Variants in CLIP4 observed in about 807,000 individuals in gnomAD.
CLIP4 encodes CAP-Gly domain containing linker protein family member 4, also known as CAP-Gly domain-containing linker protein 4.
Under a neutral mutation model 73.1 loss-of-function variants are expected in CLIP4, and 47 were observed. That is an observed-to-expected ratio of 0.64 (90% confidence interval 0.51 to 0.82). The LOEUF (loss-of-function observed/expected upper bound fraction) is 0.82. Among genes scored for constraint, CLIP4 ranks in the 40% least tolerant of loss-of-function variants. The pLI, the probability that CLIP4 is intolerant of heterozygous loss-of-function variation, is 0.00. For missense variants in CLIP4, 874 were observed against 852.9 expected (o/e 1.02, Z -0.31); for synonymous variants, 306 against 295.4 (o/e 1.04, Z -0.37).
chr2:29,149,019 G>C (rs1262707900), intron 8 of CLIP4, among the ~76,000 whole-genome samples: 2 of 152,176 alleles, frequency 1.3e-5, no homozygotes, highest in Non-Finnish European at 2.9e-5. Context: ...TATTGTCTCA[G>C]GTAGAGTTTG....
intron 8 of CLIP4, among the ~76,000 whole-genome samples, chr2:29,148,735 A>G (rs1334410917): frequency 2.0e-5 from 3 of 152,200 alleles, no homozygotes; most frequent in Admixed American, 2.0e-4. Context: ...TACTATGAAG[A>G]GAGAGATTTA....
In CLIP4 at chr2:29,115,902, T is replaced by G. The variant is rs1273593380; in HGVS notation, c.-16+237T>G. Among the ~76,000 whole-genome samples, 5 of 151,886 alleles carry G rather than the reference T, an allele frequency of 3.3e-5. No individual in the cohort carries two copies. In the East Asian group the frequency reaches 9.8e-4, roughly 30 times the overall value. Reference sequence around the variant, plus strand: ...ACCCGGCGGGGATGGGGACTCCTCGTGGCGGCCGCTGACGGACGGCCCAAC... The same window carrying G: ...ACCCGGCGGGGATGGGGACTCCTCGGGGCGGCCGCTGACGGACGGCCCAAC... On this transcript the variant is annotated intron_variant, in intron 1 of 15. Coordinates refer to ENST00000320081, the MANE Select transcript of CLIP4 (RefSeq NM_024692.6). This position sits in a 1 kb window ranked among gnomAD's most constrained non-coding sequence, Gnocchi z 5.1.
intron 15 of CLIP4, 143 bp from the exon 16 acceptor site, chr2:29,181,428 TA>T (rs1275871983): frequency 9.8e-6 from 7 of 711,184 alleles, no homozygotes; most frequent in Non-Finnish European, 1.6e-5. Flanking sequence ...ATTTAAAATT[TA>T]AAAATCAAGT....
chr2:29,106,041 G>C (rs1668195285), intron 1 of CLIP4, among the ~76,000 whole-genome samples: 1 of 151,214 alleles, frequency 6.6e-6, no homozygotes, highest in African/African-American at 2.4e-5. Context: ...AAGGTATCAT[G>C]GTTTAGCATT....
intron 1 of CLIP4, among the ~76,000 whole-genome samples, chr2:29,098,652 GA>G (rs1667947838): frequency 1.3e-5 from 2 of 152,114 alleles, no homozygotes; most frequent in Admixed American, 1.3e-4. Context: ...TGTCAATTAT[GA>G]AAAAAGCTCC....
Position 29,152,832 on chromosome 2 carries a change from G to A in CLIP4, c.1165+4G>A. 1 of 1,610,764 alleles carries A rather than the reference G, an allele frequency of 6.2e-7. No homozygotes were observed. Among genetic ancestry groups the A allele is most frequent in the Non-Finnish European group, 8.5e-7 (1 of 1,178,976 alleles). ...GTGACGTCAAAAGTAAATACTGGTAGGTCAAACCAGAAAGTTAACCATCTG... is the reference window on the plus strand; with the variant it reads ...GTGACGTCAAAAGTAAATACTGGTAAGTCAAACCAGAAAGTTAACCATCTG... On this transcript the variant is annotated splice_donor_region_variant and intron_variant, in intron 9 of 15. Transcript: ENST00000320081.
chr2:29,143,824 T>C lies in CLIP4; in HGVS notation c.764T>C (p.Val255Ala). 6.2e-7 allele frequency: 1 copy of C among 1,614,130 alleles called. No homozygotes were observed. The highest frequency in any genetic ancestry group is 1.3e-5 in the African/African-American group (1 of 75,056). ...KEIKQMLLDA[V>A]PLSCNISKAM... Reference sequence around the variant, plus strand: ...ATCAAGCAGATGCTTCTAGATGCGGTGCCTCTGTCATGTAACATCTCAAAG... The same window carrying C: ...ATCAAGCAGATGCTTCTAGATGCGGCGCCTCTGTCATGTAACATCTCAAAG... Residue 255 changes from valine (V) to alanine (A), a missense_variant, in exon 7 of 16, where the codon GTG becomes GCG. Physicochemically the swap from Val to Ala is moderately conservative, Grantham distance 64. Coordinates refer to ENST00000320081, the MANE Select transcript of CLIP4 (RefSeq NM_024692.6).
In CLIP4 at chr2:29,163,946, G is replaced by A; in HGVS notation, c.1650G>A (p.Arg550=). 1 of 1,612,432 alleles carries A rather than the reference G, an allele frequency of 6.2e-7. No homozygotes were observed. The highest frequency in any genetic ancestry group is 8.5e-7 in the Non-Finnish European group (1 of 1,179,236). ...ATGGAATATTTGCTCCCCCATCCAGGGTGCAAAGGTGAGAGAATGAAATTT... is the reference window on the plus strand; with the variant it reads ...ATGGAATATTTGCTCCCCCATCCAGAGTGCAAAGGTGAGAGAATGAAATTT... The part of the protein sequence containing the change: ...PRYGIFAPPS[R]VQRVTDSLDT... Residue 550 remains arginine, a synonymous_variant, in exon 13 of 16, where the codon AGG becomes AGA. Coordinates refer to ENST00000320081, the MANE Select transcript of CLIP4 (RefSeq NM_024692.6).
intron 2 of CLIP4, among the ~76,000 whole-genome samples, chr2:29,126,657 G>A (rs927469722): frequency 3.3e-5 from 5 of 152,202 alleles, no homozygotes; most frequent in Non-Finnish European, 7.3e-5. Context: ...GAGGATGGCA[G>A]TTTCTACCGA....
At chr2:29,144,007 G>A in intron 7 of CLIP4, 62 bp downstream of exon 7, 1 of 1,318,130 alleles carries the variant, frequency 7.6e-7, no homozygotes, top group Non-Finnish European at 1.1e-6. Context: ...TATGTTCAAG[G>A]ACACAGTATG....
intron 7 of CLIP4, 57 bp from the exon 8 acceptor site, chr2:29,145,174 AG>A: frequency 6.8e-7 from 1 of 1,479,222 alleles, no homozygotes; most frequent in Non-Finnish European, 9.3e-7. Context: ...TTGCAAGAGT[AG>A]GACCCTTGGA....
chr2:29,134,379 A>T (rs1030427051), intron 5 of CLIP4, among the ~76,000 whole-genome samples: 2 of 152,042 alleles, frequency 1.3e-5, no homozygotes, highest in Non-Finnish European at 2.9e-5. Flanking sequence ...TTTTAGAAAA[A>T]TATGAGAGCA....
At chr2:29,168,813 C>T (rs374809667) in intron 14 of CLIP4, among the ~76,000 whole-genome samples, 2 of 151,980 alleles carry the variant, frequency 1.3e-5, no homozygotes, top group Admixed American at 6.5e-5. Context: ...TGAGCCACCA[C>T]GCCCAGCCTG....
chr2:29,119,538 T>A lies in CLIP4; in HGVS notation c.-15-1836T>A, dbSNP rs542470688. ...ATGTCTGAGTCCCAAACCGTGATTA[T>A]AGTCAGATTAATTTTCCTAAAACAG... On this transcript the variant is annotated intron_variant, in intron 1 of 15. Coordinates refer to ENST00000320081, the MANE Select transcript of CLIP4 (RefSeq NM_024692.6). 2.0e-4 allele frequency among the ~76,000 whole-genome samples: 31 copies of A among 152,328 alleles called. No homozygotes were observed. The South Asian group carries it at 6.4e-3, about 32-fold the overall frequency.
chr2:29,173,578 C>T (rs1297497780), intron 14 of CLIP4, among the ~76,000 whole-genome samples: 2 of 152,102 alleles, frequency 1.3e-5, no homozygotes, highest in African/African-American at 4.8e-5. Flanking sequence ...CTGATGGTTT[C>T]CCTTTTTTGT....
intron 8 of CLIP4, among the ~76,000 whole-genome samples, chr2:29,148,362 A>G (rs936728229): frequency 6.6e-6 from 1 of 152,184 alleles, no homozygotes; most frequent in African/African-American, 2.4e-5. Context: ...TATCAATGCT[A>G]TGGTATATTT....
chr2:29,129,618 C>G (rs1007264867), intron 2 of CLIP4, among the ~76,000 whole-genome samples: 1 of 151,980 alleles, frequency 6.6e-6, no homozygotes, highest in Non-Finnish European at 1.5e-5. Flanking sequence ...ATGGCTACAG[C>G]TTTTTAGTGA....
In CLIP4 at chr2:29,157,241, ATCT is replaced by A. The variant is rs747874905; in HGVS notation, c.1298_1300del (p.Ser433del). The A allele has an allele frequency of 1.2e-6, 2 of 1,614,034 alleles. No homozygotes were observed. The highest frequency in any genetic ancestry group is 1.7e-5 in the Admixed American group (1 of 60,012). ...GATCTGTCAGCAGCTGCTCCTCTAC[ATCT>A]TCTTTGGAACACAGACAGAGCTACC... On this transcript the variant is annotated inframe_deletion, in exon 11 of 16. Transcript: ENST00000320081.
chr2:29,159,925 A>T (rs1236975704), intron 11 of CLIP4, among the ~76,000 whole-genome samples: 1 of 152,268 alleles, frequency 6.6e-6, no homozygotes, highest in Non-Finnish European at 1.5e-5. Context: ...GCAACAGCAG[A>T]GTTCAATAGT....
Sources: gnomAD v4.1 joint callset for allele counts (sites outside exome capture counted in the v4.1 genomes callset) on GRCh38, gnomAD v4.1.1 for gene constraint, Gnocchi (gnomAD v3.1) non-coding constraint, MANE v1.5 for transcripts, NCBI Gene and HGNC (gene_info 2026-07-23, HGNC 2026-07-21) for gene names.